The following SLC35F1 variants were observed in gnomAD, a reference collection of about 807,000 sequenced individuals.
The protein encoded by SLC35F1 is solute carrier family 35 member F1, also known as chromosome 6 open reading frame 169.
Under a neutral mutation model 48.7 loss-of-function variants are expected in SLC35F1, and 14 were observed. The observed-to-expected ratio is 0.29, with a 90% CI of 0.19 to 0.45. The LOEUF (loss-of-function observed/expected upper bound fraction) is 0.45, where lower values mean the gene tolerates loss of function less well. SLC35F1 is among the 20% of genes least tolerant of loss of function. SLC35F1 has a pLI of 1.00. For synonymous variants in SLC35F1, 190 were observed against 202.2 expected (o/e 0.94, Z 0.51); for missense variants, 404 against 500.0 (o/e 0.81, Z 1.83).
intron 1 of SLC35F1, among the ~76,000 whole-genome samples, chr6:118,035,819 G>T (rs1772122751): frequency 8.0e-6 from 1 of 124,942 alleles, no homozygotes; most frequent in African/African-American, 3.1e-5. Flanking sequence ...CCCCCACATA[G>T]CTGGGACTAC....
chr6:118,275,371 C>T, intron 4 of SLC35F1, 88 bp from the exon 5 acceptor site: 1 of 1,377,374 alleles, frequency 7.3e-7, no homozygotes, highest in Admixed American at 2.3e-5. Flanking sequence ...ATAGAATAGG[C>T]AAGGGAAGCT....
intron 2 of SLC35F1, among the ~76,000 whole-genome samples, chr6:118,164,199 A>G (rs982509572): frequency 1.3e-5 from 2 of 152,208 alleles, no homozygotes; most frequent in African/African-American, 4.8e-5. Flanking sequence ...AGTGGTCTAT[A>G]TGAGGAAAAA....
At chr6:117,938,151 G>A (rs993406394) in intron 1 of SLC35F1, among the ~76,000 whole-genome samples, 4 of 152,054 alleles carry the variant, frequency 2.6e-5, no homozygotes, top group Admixed American at 1.3e-4. Context: ...CTATTTTGGG[G>A]GGCTCTGGGG....
intron 1 of SLC35F1, among the ~76,000 whole-genome samples, chr6:118,006,256 C>T (rs1292874636): frequency 6.6e-6 from 1 of 152,026 alleles, no homozygotes; most frequent in Non-Finnish European, 1.5e-5. Context: ...ATCATTACTA[C>T]AAATGTCTGA....
At chr6:118,219,437 A>C (rs892176787) in intron 2 of SLC35F1, among the ~76,000 whole-genome samples, 25 of 152,188 alleles carry the variant, frequency 1.6e-4, no homozygotes, top group Non-Finnish European at 3.7e-4. Context: ...GAGAAATGCA[A>C]ATCAAAACCA....
In SLC35F1 at chr6:117,907,561, G is replaced by T; in HGVS notation, c.-166G>T. 1 of 383,956 alleles carries T rather than the reference G, an allele frequency of 2.6e-6. No homozygotes were observed. Among genetic ancestry groups the T allele is most frequent in the Non-Finnish European group, 4.6e-6 (1 of 218,714 alleles). 23.8% of individuals were successfully genotyped at this position (383,956 alleles called of 1,614,324 possible). A position where few individuals can be genotyped will look rare whatever the true frequency, so the allele number is the denominator to read the frequency against. ...AGGAGTGAGTGGCGGGCTGGGCGGC[G>T]GCGGCCGTAGCCGCGGGTGCCTCCC... On this transcript the variant is annotated 5_prime_UTR_variant, in exon 1 of 8. Coordinates refer to ENST00000360388, the MANE Select transcript of SLC35F1 (RefSeq NM_001029858.4).
intron 1 of SLC35F1, among the ~76,000 whole-genome samples, chr6:118,109,363 A>AT (rs1773367157): frequency 6.6e-6 from 1 of 152,202 alleles, no homozygotes; most frequent in South Asian, 2.1e-4. Flanking sequence ...TTCTGAAAGC[A>AT]TTGACCAATA....
chr6:118,118,179 T>G (rs1431970998), intron 1 of SLC35F1, among the ~76,000 whole-genome samples: 1 of 152,220 alleles, frequency 6.6e-6, no homozygotes, highest in African/African-American at 2.4e-5. Context: ...ATCTTGCATT[T>G]CCACCTGCAA....
intron 3 of SLC35F1, among the ~76,000 whole-genome samples, chr6:118,246,483 G>C (rs1027123600): frequency 6.6e-6 from 1 of 152,194 alleles, no homozygotes; most frequent in Non-Finnish European, 1.5e-5. Flanking sequence ...TGGAACTACA[G>C]AGGAGGAGTG....
intron 2 of SLC35F1, among the ~76,000 whole-genome samples, chr6:118,228,537 T>C (rs1359437031): frequency 6.6e-6 from 1 of 151,972 alleles, no homozygotes; most frequent in Non-Finnish European, 1.5e-5. Flanking sequence ...ATCCCGACTC[T>C]ATAAAAATTG....
chr6:118,149,536 C>T (rs1437935850), intron 1 of SLC35F1, among the ~76,000 whole-genome samples: 2 of 152,110 alleles, frequency 1.3e-5, no homozygotes, highest in Non-Finnish European at 2.9e-5. Flanking sequence ...TTGGTGACTC[C>T]AGGAACTAGC....
chr6:118,081,112 C>G (rs1191342358), intron 1 of SLC35F1, among the ~76,000 whole-genome samples: 1 of 152,138 alleles, frequency 6.6e-6, no homozygotes, highest in Non-Finnish European at 1.5e-5. Context: ...CTTTAATCCT[C>G]TCTTCTCTTT....
chr6:118,086,084 GGT>G (rs1318974869), intron 1 of SLC35F1, among the ~76,000 whole-genome samples: 4 of 151,792 alleles, frequency 2.6e-5, no homozygotes, highest in African/African-American at 9.7e-5. Flanking sequence ...AATGCTACTT[GGT>G]GTATTTATTT....
intron 1 of SLC35F1, among the ~76,000 whole-genome samples, chr6:117,981,677 G>A (rs9320623): frequency 0.083 from 12,658 of 152,206 alleles, 707 homozygotes; most frequent in Non-Finnish European, 0.12. Flanking sequence ...AAGAGGCTAC[G>A]TGAAGTGGAA....
At chr6:117,997,052 G>A (rs951966694) in intron 1 of SLC35F1, among the ~76,000 whole-genome samples, 2 of 152,112 alleles carry the variant, frequency 1.3e-5, no homozygotes, top group Non-Finnish European at 2.9e-5. Context: ...TGTATAACTA[G>A]AATAACCAAT....
intron 1 of SLC35F1, among the ~76,000 whole-genome samples, chr6:118,139,334 G>C (rs906804095): frequency 6.6e-6 from 1 of 152,080 alleles, no homozygotes; most frequent in Admixed American, 6.5e-5. Flanking sequence ...GGATGGTCTC[G>C]ATCTCCTGAC....
At chr6:118,228,946 C>G (rs1775253933) in intron 2 of SLC35F1, among the ~76,000 whole-genome samples, 1 of 151,078 alleles carries the variant, frequency 6.6e-6, no homozygotes, top group Non-Finnish European at 1.5e-5. Flanking sequence ...AATAACGCAG[C>G]TTCTTGTCCC....
rs2484141 is a variant in SLC35F1, at chr6:118,119,502, T to G, written c.174-34943T>G. ...ATGCAGTAATAACCGGCGCCCCCCC[T>G]CCACCCCGCTTTTTTTTTTGAGACG... On this transcript the variant is annotated intron_variant, in intron 1 of 7. Transcript: ENST00000360388. Among the ~76,000 whole-genome samples the G allele has an allele frequency of 3.9e-4, 34 of 88,162 alleles. 4 individuals carry two copies. The highest frequency in any genetic ancestry group is 1.9e-3 in the South Asian group (4 of 2,074). 57.8% of individuals were successfully genotyped at this position (88,162 alleles called of 152,430 possible).
chr6:118,138,652 T>G (rs1481180910), intron 1 of SLC35F1, among the ~76,000 whole-genome samples: 3 of 152,216 alleles, frequency 2.0e-5, no homozygotes, highest in Non-Finnish European at 2.9e-5. Flanking sequence ...AGAATTCAAT[T>G]AAATTCAACA....
Sources: allele counts gnomAD v4.1 joint callset (sites outside exome capture counted in the v4.1 genomes callset), GRCh38; gene constraint gnomAD v4.1.1; transcripts MANE v1.5; gene names NCBI Gene and HGNC (gene_info 2026-07-23, HGNC 2026-07-21).